The following COL28A1 variants were observed in gnomAD, a reference collection of about 807,000 sequenced individuals.
COL28A1 encodes collagen type XXVIII alpha 1 chain.
A neutral mutation model predicts 150.2 loss-of-function variants in COL28A1; 161 were observed. That is an observed-to-expected ratio of 1.07 (90% CI 0.94 to 1.22). The LOEUF is 1.22. Among genes scored for constraint, COL28A1 ranks in the 50% most tolerant of loss-of-function variants. The pLI is 0.00. For missense variants in COL28A1, 1,617 were observed against 1,388.3 expected (o/e 1.16, Z -2.62); for synonymous variants, 552 against 469.7 (o/e 1.18, Z -2.26).
At chr7:7,417,546 GGGGAGA>G in intron 27 of COL28A1, 14 of 85,558 alleles carry the variant, frequency 1.6e-4, no homozygotes, top group South Asian at 2.8e-4. Flanking sequence ...GGGAGGGGGG[GGGGAGA>G]GAGAGAGAGA....
chr7:7,372,974 C>A (rs200786801), intron 32 of COL28A1, 24 bp downstream of exon 32: 142 of 1,596,336 alleles, frequency 8.9e-5, no homozygotes, highest in Non-Finnish European at 1.1e-4. Flanking sequence ...ATGCCTTTCC[C>A]CTGGGCCAGA....
rs766705604 is a variant in COL28A1 at position 7,490,565 on chromosome 7, C to T, written c.1095+13G>A. 1.1e-5 allele frequency: 12 copies of T among 1,116,978 alleles called. No homozygotes were observed. Among genetic ancestry groups the T allele is most frequent in the African/African-American group, 6.1e-5 (4 of 65,652 alleles). 69.2% of individuals were successfully genotyped at this position (1,116,978 alleles called of 1,614,324 possible). ...CAACAGTCATCAGTGGGCAAAAAGACAAGTATCTTTACCTTAATACCTTGC... is the reference window on the plus strand; with the variant it reads ...CAACAGTCATCAGTGGGCAAAAAGATAAGTATCTTTACCTTAATACCTTGC... On this transcript the variant is annotated intron_variant, in intron 12 of 34. Coordinates refer to ENST00000399429, the MANE Select transcript of COL28A1 (RefSeq NM_001037763.3).
At chr7:7,355,428 G>A (rs1651741477), downstream of COL28A1, among the ~76,000 whole-genome samples, 1 of 151,950 alleles carries the variant, frequency 6.6e-6, no homozygotes, top group African/African-American at 2.4e-5. Flanking sequence ...CGGACAACAT[G>A]GCAAAACCCC....
chr7:7,490,730 C>A, intron 11 of COL28A1, 84 bp from the exon 12 acceptor site: 2 of 664,872 alleles, frequency 3.0e-6, no homozygotes, highest in South Asian at 2.0e-5. Flanking sequence ...TATGGTTTTG[C>A]AATAGGGGCT....
the COL28A1 span, among the ~76,000 whole-genome samples, chr7:7,339,970 G>C: frequency 6.6e-6 from 1 of 152,034 alleles, no homozygotes; most frequent in African/African-American, 2.4e-5. Flanking sequence ...ATGTTGATTT[G>C]ATAGTCCTTA....
intron 13 of COL28A1, among the ~76,000 whole-genome samples, chr7:7,478,256 A>G (rs1355377756): frequency 4.6e-5 from 7 of 152,060 alleles, no homozygotes; most frequent in Non-Finnish European, 1.0e-4. Flanking sequence ...TGGTGTATTC[A>G]AAATCCCTTA....
intron 15 of COL28A1, among the ~76,000 whole-genome samples, chr7:7,459,771 G>C (rs191103599): frequency 3.4e-4 from 52 of 152,182 alleles, no homozygotes; most frequent in African/African-American, 1.2e-3. Context: ...CCTGACCCTG[G>C]CAAGTAGGCC....
At chr7:7,349,892 A>G in the COL28A1 span, among the ~76,000 whole-genome samples, 6 of 152,282 alleles carry the variant, frequency 3.9e-5, no homozygotes, top group African/African-American at 1.2e-4. Flanking sequence ...GGAAAATTCC[A>G]AAGGGAAATG....
chr7:7,527,184 C>T (rs557931807), intron 3 of COL28A1, among the ~76,000 whole-genome samples: 2 of 152,266 alleles, frequency 1.3e-5, no homozygotes, highest in South Asian at 4.1e-4. Flanking sequence ...CCCAAAACTA[C>T]ACAATAGATA....
intron 25 of COL28A1, among the ~76,000 whole-genome samples, chr7:7,428,397 CT>C (rs1319220879): frequency 6.6e-6 from 1 of 152,178 alleles, no homozygotes; most frequent in African/African-American, 2.4e-5. Flanking sequence ...CCTTAGTGAA[CT>C]CAGGAGAGCC....
chr7:7,386,467 G>A (rs1351288192), intron 27 of COL28A1, among the ~76,000 whole-genome samples: 1 of 152,150 alleles, frequency 6.6e-6, no homozygotes, highest in Admixed American at 6.5e-5. Context: ...GTGGTTGCAG[G>A]GCATCCCGCC....
chr7:7,452,184 A>C, intron 18 of COL28A1, 135 bp downstream of exon 18: 1 of 1,311,446 alleles, frequency 7.6e-7, no homozygotes, highest in Non-Finnish European at 1.0e-6. Context: ...TAGTAGCCGC[A>C]CTTAAAAAGT....
chr7:7,345,811 T>C, the COL28A1 span, among the ~76,000 whole-genome samples: 1 of 152,124 alleles, frequency 6.6e-6, no homozygotes, highest in Non-Finnish European at 1.5e-5. Flanking sequence ...TTGACAATGA[T>C]GTGGCTATGT....
At chr7:7,379,144 C>T (rs56095716) in intron 30 of COL28A1, among the ~76,000 whole-genome samples, 22,925 of 152,132 alleles carry the variant, frequency 0.15, 4,118 homozygotes, top group African/African-American at 0.43. Flanking sequence ...GAGGAAGGAG[C>T]GCAGCTGGAG....
intron 7 of COL28A1, among the ~76,000 whole-genome samples, chr7:7,517,094 C>T (rs1222521649): frequency 6.6e-6 from 1 of 152,050 alleles, no homozygotes; most frequent in Admixed American, 6.5e-5. Flanking sequence ...TTCCTGAACA[C>T]AAATTTCAGA....
intron 13 of COL28A1, among the ~76,000 whole-genome samples, chr7:7,480,581 T>C (rs1562790417): frequency 6.6e-6 from 1 of 151,796 alleles, no homozygotes; most frequent in Non-Finnish European, 1.5e-5. Context: ...AAGAAAACAC[T>C]GACAAATTAT....
chr7:7,434,572 G>A (rs1051274370), intron 23 of COL28A1, among the ~76,000 whole-genome samples: 1 of 152,170 alleles, frequency 6.6e-6, no homozygotes, highest in Non-Finnish European at 1.5e-5. Flanking sequence ...CAAATTGTCA[G>A]CAGCTGCTCT....
chr7:7,349,398 G>A, the COL28A1 span, among the ~76,000 whole-genome samples: 5 of 152,046 alleles, frequency 3.3e-5, no homozygotes, highest in Admixed American at 2.0e-4. Context: ...CTTTCAGTTG[G>A]TTCTGTTACT....
At chr7:7,352,230 G>T (rs1780245400), downstream of COL28A1, among the ~76,000 whole-genome samples, 1 of 152,052 alleles carries the variant, frequency 6.6e-6, no homozygotes, top group Non-Finnish European at 1.5e-5. Context: ...AATTTATTGA[G>T]TTCTTCTTAA....
Sources: gnomAD v4.1 joint callset for allele counts (sites outside exome capture counted in the v4.1 genomes callset) on GRCh38, gnomAD v4.1.1 for gene constraint, MANE v1.5 for transcripts, NCBI Gene and HGNC (gene_info 2026-07-23, HGNC 2026-07-21) for gene names.